The following NDST4 variants were observed in gnomAD, a reference collection of about 807,000 sequenced individuals.
The protein encoded by NDST4 is N-deacetylase and N-sulfotransferase 4, also known as N-heparan sulfate sulfotransferase 4.
A neutral mutation model predicts 100.8 loss-of-function variants in NDST4; 63 were observed. That is an observed-to-expected ratio of 0.62 (90% CI 0.51 to 0.77). The LOEUF (loss-of-function observed/expected upper bound fraction) is 0.77, where lower values mean the gene tolerates loss of function less well. Ranked by LOEUF, NDST4 falls within the 30% of genes least tolerant of loss-of-function variation. The pLI is 0.00. For synonymous variants in NDST4, 377 were observed against 361.8 expected, an observed-to-expected ratio of 1.04 and a Z score of -0.48; for missense variants, 943 against 1,018.4, an observed-to-expected ratio of 0.93 and a Z score of 1.01.
At chr4:115,048,987 G>A (rs1396881039) in intron 2 of NDST4, among the ~76,000 whole-genome samples, 6 of 152,004 alleles carry the variant, frequency 3.9e-5, no homozygotes, top group Non-Finnish European at 7.4e-5. Flanking sequence ...AATAATTGTA[G>A]GAGAAAAACA....
intron 6 of NDST4, among the ~76,000 whole-genome samples, chr4:114,895,193 C>A (rs1724686613): frequency 6.6e-6 from 1 of 151,826 alleles, no homozygotes; most frequent in African/African-American, 2.4e-5. Context: ...ATCAACGAAT[C>A]CAGGAGCTGG....
intron 2 of NDST4, among the ~76,000 whole-genome samples, chr4:115,003,956 C>T (rs2583520): frequency 0.34 from 52,132 of 151,874 alleles, 9,067 homozygotes; most frequent in Middle Eastern, 0.49. Context: ...CCCCTTCTTA[C>T]AGTCAATAAG....
At chr4:114,836,326 G>A (rs1221522485) in intron 11 of NDST4, among the ~76,000 whole-genome samples, 2 of 152,150 alleles carry the variant, frequency 1.3e-5, no homozygotes, top group Non-Finnish European at 2.9e-5. Flanking sequence ...AAATCCCTCA[G>A]CATTTGCTTC....
intron 4 of NDST4, among the ~76,000 whole-genome samples, chr4:114,945,272 C>A (rs1187103758): frequency 7.9e-6 from 1 of 126,434 alleles, no homozygotes; most frequent in African/African-American, 2.9e-5. Flanking sequence ...CATAAACATA[C>A]AGGAGTCATT....
At chr4:115,102,195 C>G (rs1461815659) in intron 1 of NDST4, among the ~76,000 whole-genome samples, 1 of 152,036 alleles carries the variant, frequency 6.6e-6, no homozygotes, top group African/African-American at 2.4e-5. Flanking sequence ...GATTTGCATC[C>G]TTGCTAATTG....
chr4:114,831,544 G>A (rs952601344), intron 12 of NDST4, among the ~76,000 whole-genome samples: 5 of 152,150 alleles, frequency 3.3e-5, no homozygotes, highest in Admixed American at 6.5e-5. Flanking sequence ...TACAGCCCTG[G>A]CAGCAAAGTC....
chr4:115,034,609 G>A (rs1316709298), intron 2 of NDST4, among the ~76,000 whole-genome samples: 1 of 151,914 alleles, frequency 6.6e-6, no homozygotes, highest in African/African-American at 2.4e-5. Context: ...CCTTAATCTG[G>A]GAGAAAGTAT....
chr4:114,969,043 A>C (rs896622526), intron 4 of NDST4, among the ~76,000 whole-genome samples: 7 of 152,212 alleles, frequency 4.6e-5, no homozygotes, highest in African/African-American at 1.7e-4. Context: ...CCAAACATTC[A>C]ACTCATTCAT....
chr4:115,085,568 G>A (rs183958190), intron 1 of NDST4, among the ~76,000 whole-genome samples: 2 of 152,232 alleles, frequency 1.3e-5, no homozygotes, highest in Admixed American at 1.3e-4. Context: ...TTACCCCCAT[G>A]CTGCTCTCAT....
intron 2 of NDST4, among the ~76,000 whole-genome samples, chr4:115,030,887 T>G (rs28602418): frequency 0.069 from 10,527 of 152,096 alleles, 1,034 homozygotes; most frequent in African/African-American, 0.22. Context: ...GAAATGGTAG[T>G]TAATTCAGAA....
intron 2 of NDST4, among the ~76,000 whole-genome samples, chr4:115,001,102 T>C (rs1262237094): frequency 6.6e-6 from 1 of 152,138 alleles, no homozygotes; most frequent in Non-Finnish European, 1.5e-5. Context: ...TTTTAACATA[T>C]GAATTTTAGT....
chr4:115,039,105 G>C (rs191355290), intron 2 of NDST4, among the ~76,000 whole-genome samples: 1 of 152,248 alleles, frequency 6.6e-6, no homozygotes. Context: ...ACAATCCGGT[G>C]AGCAGGCATT....
rs916720994 is a variant in NDST4, at chr4:114,906,729, C to A, written c.1536+28477G>T. ...TACATAAATATCATTATAAATATAT[C>A]TCTTAAAACATATGAAGATATATTT... On this transcript the variant is annotated intron_variant, in intron 6 of 13. Transcript: ENST00000264363. 7.9e-5 allele frequency among the ~76,000 whole-genome samples: 12 copies of A among 151,866 alleles called. 1 individual carries two copies. Among genetic ancestry groups the A allele is most frequent in the African/African-American group, 2.4e-4 (10 of 41,442 alleles).
intron 4 of NDST4, among the ~76,000 whole-genome samples, chr4:114,958,087 C>G (rs1241810204): frequency 6.6e-6 from 1 of 152,202 alleles, no homozygotes; most frequent in Non-Finnish European, 1.5e-5. Flanking sequence ...AATCAGTGCC[C>G]CAGTGGGGAT....
chr4:115,100,334 G>C (rs2126297856), intron 1 of NDST4, among the ~76,000 whole-genome samples: 1 of 152,102 alleles, frequency 6.6e-6, no homozygotes, highest in Non-Finnish European at 1.5e-5. Flanking sequence ...TGTGGACTTG[G>C]GGTGATAATG....
At chr4:115,086,432 A>G (rs1363773132) in intron 1 of NDST4, among the ~76,000 whole-genome samples, 1 of 152,112 alleles carries the variant, frequency 6.6e-6, no homozygotes, top group Non-Finnish European at 1.5e-5. Flanking sequence ...GATATCACCT[A>G]ACTTCCATAC....
intron 2 of NDST4, among the ~76,000 whole-genome samples, chr4:115,053,922 T>A (rs1469110333): frequency 6.6e-6 from 1 of 152,068 alleles, no homozygotes; most frequent in Non-Finnish European, 1.5e-5. Flanking sequence ...TTATTTTTTG[T>A]TTAGTAATTC....
At chr4:114,867,915 G>T (rs186431613) in intron 7 of NDST4, among the ~76,000 whole-genome samples, 4 of 152,020 alleles carry the variant, frequency 2.6e-5, no homozygotes, top group Non-Finnish European at 5.9e-5. Context: ...GCACAAATGC[G>T]TTTTGTGCTC....
rs1476608305 is a variant in NDST4 at position 115,089,748 on chromosome 4, TATA to T, written c.-246-12469_-246-12467del. Among the ~76,000 whole-genome samples the T allele has an allele frequency of 9.9e-5, 15 of 152,062 alleles. No homozygotes were observed. The East Asian group carries it at 2.9e-3, about 29-fold the overall frequency. ...AGTCAGTTAAATTGACGTTCAATGT[TATA>T]ATGTTTTAATAGTTTTTTATTGGAA... On this transcript the variant is annotated intron_variant, in intron 1 of 13. Coordinates refer to ENST00000264363, the MANE Select transcript of NDST4 (RefSeq NM_022569.3).
Sources: gnomAD v4.1 joint callset for allele counts (sites outside exome capture counted in the v4.1 genomes callset) on GRCh38, gnomAD v4.1.1 for gene constraint, MANE v1.5 for transcripts, NCBI Gene and HGNC (gene_info 2026-07-23, HGNC 2026-07-21) for gene names.